The following CACNA2D1 variants were observed in gnomAD, a reference collection of about 807,000 sequenced individuals.
The protein encoded by CACNA2D1 is voltage-dependent calcium channel subunit alpha-2/delta-1.
CACNA2D1 carries 53 observed loss-of-function variants against 171.5 expected under a neutral mutation model. The observed-to-expected ratio is 0.31, with a 90% CI of 0.25 to 0.39. The LOEUF (loss-of-function observed/expected upper bound fraction) is 0.39, where lower values mean the gene tolerates loss of function less well. Among genes scored for constraint, CACNA2D1 ranks in the 10% least tolerant of loss-of-function variants. The pLI is 1.00. For synonymous variants in CACNA2D1, 442 were observed against 443.1 expected (o/e 1.00, Z 0.03); for missense variants, 903 against 1,299.8 (o/e 0.69, Z 4.69).
At chr7:82,064,833 G>T (rs1807408039) in intron 8 of CACNA2D1, among the ~76,000 whole-genome samples, 1 of 152,160 alleles carries the variant, frequency 6.6e-6, no homozygotes, top group African/African-American at 2.4e-5. Context: ...TAGGCAATAT[G>T]TGATGTTATT....
intron 24 of CACNA2D1, among the ~76,000 whole-genome samples, chr7:81,978,770 T>TATACACAC (rs772536703): frequency 1.4e-5 from 2 of 144,018 alleles, no homozygotes; most frequent in Non-Finnish European, 3.0e-5. Flanking sequence ...TATATATATA[T>TATACACAC]ACACACACAC....
chr7:82,154,647 TGAA>T (rs1464527415), intron 4 of CACNA2D1, among the ~76,000 whole-genome samples: 2 of 152,090 alleles, frequency 1.3e-5, no homozygotes, highest in African/African-American at 4.8e-5. Flanking sequence ...ACGTAAATAT[TGAA>T]GAAGAGTATT....
intron 7 of CACNA2D1, 21 bp from the exon 8 acceptor site, chr7:82,066,545 G>C (rs1474975146): frequency 1.3e-6 from 2 of 1,504,222 alleles, no homozygotes; most frequent in Non-Finnish European, 1.8e-6. Context: ...AAAAAAAAGA[G>C]AGATATTAAA....
intron 4 of CACNA2D1, among the ~76,000 whole-genome samples, chr7:82,143,388 T>C (rs1431302678): frequency 6.6e-6 from 1 of 152,122 alleles, no homozygotes; most frequent in African/African-American, 2.4e-5. Context: ...ATGAAAAATA[T>C]CAGGAATATA....
intron 3 of CACNA2D1, among the ~76,000 whole-genome samples, chr7:82,232,138 T>C (rs1283393946): frequency 6.6e-6 from 1 of 152,178 alleles, no homozygotes; most frequent in African/African-American, 2.4e-5. Flanking sequence ...AGAGTATGTG[T>C]ATATTTATTG....
At chr7:82,170,868 T>C (rs547861015) in intron 3 of CACNA2D1, among the ~76,000 whole-genome samples, 1 of 152,120 alleles carries the variant, frequency 6.6e-6, no homozygotes, top group African/African-American at 2.4e-5. Context: ...TCAGCTATAG[T>C]GTCCTCTATG....
At chr7:82,149,155 T>G (rs2129104668) in intron 4 of CACNA2D1, among the ~76,000 whole-genome samples, 1 of 152,302 alleles carries the variant, frequency 6.6e-6, no homozygotes, top group South Asian at 2.1e-4. Flanking sequence ...CTTAGCCATG[T>G]TTGAGCTCAA....
chr7:82,376,080 A>C (rs549908641), intron 1 of CACNA2D1, among the ~76,000 whole-genome samples: 4 of 151,702 alleles, frequency 2.6e-5, no homozygotes, highest in Non-Finnish European at 5.9e-5. Flanking sequence ...AAACATACAC[A>C]AAAAAAAATC....
chr7:81,998,698 T>C (rs1353365216), intron 18 of CACNA2D1, among the ~76,000 whole-genome samples: 3 of 152,086 alleles, frequency 2.0e-5, no homozygotes, highest in Non-Finnish European at 4.4e-5. Flanking sequence ...CAGAAGATTC[T>C]AGAATACTGA....
chr7:82,418,783 A>G (rs1828430289), intron 1 of CACNA2D1, among the ~76,000 whole-genome samples: 1 of 152,164 alleles, frequency 6.6e-6, no homozygotes, highest in African/African-American at 2.4e-5. Context: ...TTGGTGTATC[A>G]GAGTTCAGGC....
chr7:82,013,212 T>C (rs530039491), intron 14 of CACNA2D1, among the ~76,000 whole-genome samples: 2 of 152,102 alleles, frequency 1.3e-5, no homozygotes, highest in South Asian at 2.1e-4. Context: ...ATTTATTTTC[T>C]ATGATGTTTG....
chr7:82,198,074 C>A (rs2237517), intron 3 of CACNA2D1, among the ~76,000 whole-genome samples: 65,362 of 151,874 alleles, frequency 0.43, 14,389 homozygotes, highest in East Asian at 0.6. Flanking sequence ...AGGAGAATGC[C>A]ATTCATTTCT....
chr7:82,180,872 C>G (rs1797050707), intron 3 of CACNA2D1, among the ~76,000 whole-genome samples: 1 of 151,616 alleles, frequency 6.6e-6, no homozygotes, highest in South Asian at 2.1e-4. Flanking sequence ...CAGGCAGAGA[C>G]AGTGAGGAGG....
At chr7:81,968,851 TTTGA>T (rs1441748552) in intron 29 of CACNA2D1, 32 bp downstream of exon 29, 2 of 1,083,826 alleles carry the variant, frequency 1.8e-6, no homozygotes, top group South Asian at 2.5e-5. Context: ...AACATTTAAT[TTTGA>T]TTGTGTTTTT....
intron 3 of CACNA2D1, among the ~76,000 whole-genome samples, chr7:82,238,674 A>C (rs1803897415): frequency 6.6e-6 from 1 of 152,094 alleles, no homozygotes; most frequent in Admixed American, 6.5e-5. Flanking sequence ...ATTTGCAAGA[A>C]GAATCTATGA....
intron 3 of CACNA2D1, among the ~76,000 whole-genome samples, chr7:82,182,258 T>C (rs562630092): frequency 1.2e-4 from 19 of 152,104 alleles, no homozygotes; most frequent in Non-Finnish European, 2.2e-4. Context: ...ACTGCTATAC[T>C]CATAAGAAAA....
chr7:82,292,119 T>C (rs1349114482), intron 3 of CACNA2D1, among the ~76,000 whole-genome samples: 1 of 152,110 alleles, frequency 6.6e-6, no homozygotes, highest in Admixed American at 6.5e-5. Flanking sequence ...ATATTACTCA[T>C]AGCTAAGCAA....
intron 3 of CACNA2D1, among the ~76,000 whole-genome samples, 200 bp from the exon 4 acceptor site, chr7:82,170,809 AATAAT>A (rs1348836423): frequency 1.3e-5 from 2 of 152,026 alleles, no homozygotes; most frequent in African/African-American, 2.4e-5. Context: ...CAGCAATATA[AATAAT>A]ATACTATTCT....
rs111629772 is a variant in CACNA2D1, at chr7:82,179,207, G to T, written c.295-8598C>A. 9.3e-4 allele frequency among the ~76,000 whole-genome samples: 142 copies of T among 152,016 alleles called. 3 individuals carry two copies. The South Asian group carries it at 0.016, about 17-fold the overall frequency. On this transcript the variant is annotated intron_variant, in intron 3 of 38. Coordinates refer to ENST00000356860, the MANE Select transcript of CACNA2D1 (RefSeq NM_000722.4). ...CATGTAATTCCACTCTGGGGTCTTA[G>T]AATTTTAGATTCTAAAATTCTAAGA... is the stretch of plus-strand genomic sequence containing the variant.
Sources: allele counts gnomAD v4.1 joint callset (sites outside exome capture counted in the v4.1 genomes callset), GRCh38; gene constraint gnomAD v4.1.1; transcripts MANE v1.5; gene names NCBI Gene and HGNC (gene_info 2026-07-23, HGNC 2026-07-21).